The following LPIN2 variants were observed in gnomAD, a reference collection of about 807,000 sequenced individuals.
The protein encoded by LPIN2 is lipin 2, also known as phosphatidate phosphatase LPIN2.
Under a neutral mutation model 111.4 loss-of-function variants are expected in LPIN2, and 55 were observed. The ratio of observed to expected loss-of-function variants is 0.49; its 90% CI spans 0.40 to 0.62. The LOEUF (loss-of-function observed/expected upper bound fraction) is 0.62, where lower values mean the gene tolerates loss of function less well. Ranked by LOEUF, LPIN2 falls within the 20% of genes least tolerant of loss-of-function variation. LPIN2 has a pLI of 0.00. For missense variants in LPIN2, 992 were observed against 1,112.1 expected (o/e 0.89, Z 1.54); for synonymous variants, 425 against 414.0 (o/e 1.03, Z -0.32).
rs759682080 is a variant in LPIN2 at position 2,923,797 on chromosome 18, T to G, written c.2152A>C (p.Lys718Gln). The G allele has an allele frequency of 6.2e-7, 1 of 1,614,042 alleles. No homozygotes were observed. The highest frequency in any genetic ancestry group is 8.5e-7 in the Non-Finnish European group (1 of 1,179,906). The change falls in exon 16 of 20, where the codon AAG (lysine) becomes CAG (glutamine). Residue 718 changes from lysine (K) to glutamine (Q), a missense_variant. Lys to Gln is a moderately conservative substitution (Grantham distance 53). Coordinates refer to ENST00000677752, the MANE Select transcript of LPIN2 (RefSeq NM_001375808.2). ...TACTCATTGATGGAATGGTAGAGCT[T>G]TGCTATACCCTGGTGGGTCCAGTCT... ...GKDWTHQGIA[K>Q]LYHSINENGY...
chr18:2,928,789 T>C (rs2077172918), intron 10 of LPIN2, 129 bp from the exon 11 acceptor site: 1 of 778,858 alleles, frequency 1.3e-6, no homozygotes, highest in African/African-American at 1.7e-5. Flanking sequence ...ATAAAGATGA[T>C]CAGCTGAATT....
rs2076994209 is a variant in LPIN2, at chr18:2,917,956, G to A, written c.*2337C>T. 1.3e-5 allele frequency: 2 copies of A among 152,186 alleles called. No homozygotes were observed. The highest frequency in any genetic ancestry group is 1.3e-4 in the Admixed American group (2 of 15,278). 9.4% of individuals were successfully genotyped at this position (152,186 alleles called of 1,614,324 possible). A position where few individuals can be genotyped will look rare whatever the true frequency, so the allele number is the denominator to read the frequency against. ...TAAGGGTTTGTGTACAAACACACTC[G>A]AGGGCATCTCTTTCACAGAAAGAAC... is the stretch of plus-strand genomic sequence containing the variant. On this transcript the variant is annotated 3_prime_UTR_variant, in exon 20 of 20. Coordinates refer to ENST00000677752, the MANE Select transcript of LPIN2 (RefSeq NM_001375808.2).
At chr18:2,926,518 G>A (rs542101219) in intron 13 of LPIN2, among the ~76,000 whole-genome samples, 69 of 151,614 alleles carry the variant, frequency 4.6e-4, no homozygotes, top group African/African-American at 1.6e-3. Flanking sequence ...GGCTCCACAA[G>A]GAGGCAGGGT....
intron 1 of LPIN2, among the ~76,000 whole-genome samples, chr18:2,981,899 T>A (rs1384246330): frequency 1.8e-4 from 27 of 152,204 alleles, no homozygotes; most frequent in Admixed American, 1.8e-3. Context: ...ATTTTATGCT[T>A]GTTTTCATAA....
chr18:3,005,760 C>T (rs537163811), intron 1 of LPIN2, among the ~76,000 whole-genome samples: 13 of 151,466 alleles, frequency 8.6e-5, no homozygotes, highest in South Asian at 2.1e-4. Context: ...GTGTGGTGGC[C>T]CAACTCAGCA....
In LPIN2 at chr18:2,965,574, C is replaced by CA. The variant is rs532599358; in HGVS notation, c.-9-4726dup. On this transcript the variant is annotated intron_variant, in intron 1 of 19. Transcript: ENST00000677752. ...TGAAACCCCATCTCTACTAAAAATA[C>CA]AAAAAAATTGGCCTGTATCGTGACA... 9.2e-5 allele frequency among the ~76,000 whole-genome samples: 14 copies of CA among 151,894 alleles called. No individual in the cohort carries two copies. In the East Asian group the frequency reaches 1.4e-3, roughly 15 times the overall value.
intron 1 of LPIN2, among the ~76,000 whole-genome samples, chr18:2,965,007 G>A (rs1226701881): frequency 6.6e-6 from 1 of 152,204 alleles, no homozygotes; most frequent in East Asian, 1.9e-4. Flanking sequence ...CAATGGCTCA[G>A]ATGTGGCCTG....
In LPIN2 at chr18:2,951,084, G is replaced by A. The variant is rs755780342; in HGVS notation, c.561C>T (p.Ser187=). 4.8e-5 allele frequency: 78 copies of A among 1,614,018 alleles called. No homozygotes were observed. The Middle Eastern group carries it at 4.9e-4, about 10-fold the overall frequency. The change falls in exon 4 of 20, where the codon TCC becomes TCT. Residue 187 remains serine, a synonymous_variant. Transcript: ENST00000677752. The part of the protein sequence containing the change: ...AEDTCDVGVS[S]DDDKGAQAAR... ...CTGCCTGGGCCCCCTTGTCATCATC[G>A]GAGCTCACGCCTACATCACATGTGT...
At chr18:2,997,970 G>A (rs977867028) in intron 1 of LPIN2, among the ~76,000 whole-genome samples, 7 of 152,244 alleles carry the variant, frequency 4.6e-5, no homozygotes, top group Non-Finnish European at 1.0e-4. Context: ...TGGTGACCGT[G>A]AGGCAGAGTT....
intron 4 of LPIN2, among the ~76,000 whole-genome samples, chr18:2,944,165 AAAAT>A (rs913898909): frequency 5.9e-5 from 9 of 151,700 alleles, no homozygotes; most frequent in Non-Finnish European, 1.3e-4. Flanking sequence ...ACCTATATTT[AAAAT>A]AAATAAAGCA....
intron 2 of LPIN2, among the ~76,000 whole-genome samples, chr18:2,956,311 G>GGTGTGTGGGTGTGTGTGTGTGTGTGTGT (rs2077613303): frequency 6.9e-6 from 1 of 143,960 alleles, no homozygotes; most frequent in African/African-American, 2.7e-5. Context: ...TAGATGCAGG[G>GGTGTGTGGGTGTGTGTGTGTGTGTGTGT]GTGTGTGTGT....
At chr18:2,945,983 C>T in intron 4 of LPIN2, 1 of 1,403,884 alleles carries the variant, frequency 7.1e-7, no homozygotes, top group Non-Finnish European at 1.0e-6. Context: ...TTCGTCCCCT[C>T]ATGGAAAATA....
At chr18:2,939,374 A>C in intron 6 of LPIN2, 106 bp downstream of exon 6, 1 of 1,370,814 alleles carries the variant, frequency 7.3e-7, no homozygotes. Flanking sequence ...TATCATTTAC[A>C]TTCATGAGAG....
chr18:2,924,358 G>T, intron 15 of LPIN2, 40 bp downstream of exon 15: 1 of 1,613,286 alleles, frequency 6.2e-7, no homozygotes, highest in East Asian at 2.2e-5. Context: ...CCCTGAGCAC[G>T]GGGCTGTTCC....
intron 1 of LPIN2, among the ~76,000 whole-genome samples, chr18:2,989,479 A>G (rs940437033): frequency 6.6e-6 from 1 of 152,222 alleles, no homozygotes; most frequent in Admixed American, 6.5e-5. Flanking sequence ...TATTACCTAA[A>G]GCGATCTTCA....
Position 2,926,632 on chromosome 18 carries a change from G to T in LPIN2, c.1793+91C>A, listed in dbSNP as rs2077135111. ...TAGTATCTGCAGAAGATACTCCCAAGAACTAAACAAGCTGCCAAAATCAAC... is the reference window on the plus strand; with the variant it reads ...TAGTATCTGCAGAAGATACTCCCAATAACTAAACAAGCTGCCAAAATCAAC... On this transcript the variant is annotated intron_variant, in intron 13 of 19. Coordinates refer to ENST00000677752, the MANE Select transcript of LPIN2 (RefSeq NM_001375808.2). The T allele has an allele frequency of 1.4e-5, 15 of 1,098,196 alleles. No individual in the cohort carries two copies. The South Asian group carries it at 2.0e-4, about 15-fold the overall frequency. The allele number at this position is 1,098,196 out of a possible 1,614,324, so 68.0% of individuals were successfully genotyped here.
At chr18:3,006,603 C>G (rs771079783) in intron 1 of LPIN2, among the ~76,000 whole-genome samples, 1 of 152,034 alleles carries the variant, frequency 6.6e-6, no homozygotes, top group African/African-American at 2.4e-5. Context: ...TTTGGGAGGC[C>G]GAGGCAGGGA....
intron 1 of LPIN2, among the ~76,000 whole-genome samples, chr18:2,980,124 T>C (rs11663067): frequency 0.12 from 18,666 of 152,082 alleles, 1,226 homozygotes; most frequent in African/African-American, 0.18. Flanking sequence ...GGCTTGAAAA[T>C]GGAACTCAGA....
At chr18:2,964,144 G>A (rs1458614551) in intron 1 of LPIN2, among the ~76,000 whole-genome samples, 2 of 151,628 alleles carry the variant, frequency 1.3e-5, no homozygotes, top group South Asian at 4.2e-4. Context: ...TTAGCCGGGC[G>A]TGATGGCGTG....
Sources: gnomAD v4.1 joint callset for allele counts (sites outside exome capture counted in the v4.1 genomes callset) on GRCh38, gnomAD v4.1.1 for gene constraint, MANE v1.5 for transcripts, NCBI Gene and HGNC (gene_info 2026-07-23, HGNC 2026-07-21) for gene names.